GPC5: variants seen among roughly 807,000 people sequenced by gnomAD.
GPC5 encodes glypican 5.
A neutral mutation model predicts 53.9 loss-of-function variants in GPC5; 47 were observed. The ratio of observed to expected loss-of-function variants is 0.87; its 90% CI spans 0.69 to 1.11. The LOEUF (loss-of-function observed/expected upper bound fraction) is 1.11. GPC5 is among the 50% of genes most tolerant of loss of function. The probability of loss-of-function intolerance (pLI) is 0.00; values close to 1 mark genes in which losing one functional copy is unlikely to be tolerated. For missense variants in GPC5, 748 were observed against 713.1 expected (o/e 1.05, Z -0.56); for synonymous variants, 286 against 263.3 (o/e 1.09, Z -0.84).
intron 7 of GPC5, chr13:92,448,188 A>G (rs1242320257): frequency 1.3e-5 from 2 of 152,144 alleles, no homozygotes; most frequent in African/African-American, 4.8e-5. Context: ...TTAAGATTAA[A>G]AAAGTGAATA....
chr13:92,637,352 C>T (rs918734262), intron 7 of GPC5, among the ~76,000 whole-genome samples: 1 of 152,054 alleles, frequency 6.6e-6, no homozygotes, highest in Admixed American at 6.6e-5. Flanking sequence ...AGGGGATGTA[C>T]AGATTTATTG....
At chr13:91,715,770 G>GTCTCTCTCTCTC (rs55859912) in intron 3 of GPC5, among the ~76,000 whole-genome samples, 5 of 132,818 alleles carry the variant, frequency 3.8e-5, no homozygotes, top group African/African-American at 1.4e-4. Context: ...TTAAGATAGG[G>GTCTCTCTCTCTC]TCTCTCTCTC....
intron 7 of GPC5, among the ~76,000 whole-genome samples, chr13:92,624,283 T>G (rs1884977553): frequency 6.6e-6 from 1 of 152,104 alleles, no homozygotes; most frequent in South Asian, 2.1e-4. Flanking sequence ...TTGGCCAGGC[T>G]GGTCTCAAAC....
intron 7 of GPC5, among the ~76,000 whole-genome samples, chr13:92,254,231 T>C (rs1246842239): frequency 1.3e-5 from 2 of 152,138 alleles, no homozygotes; most frequent in Admixed American, 6.6e-5. Flanking sequence ...TGGGAACAAA[T>C]TGAGGTTTTC....
rs970139710 is a variant in GPC5 at position 92,517,655 on chromosome 13, A to G, written c.1562-348627A>G. ...GAAGGAAAACTAACAAACAGAAAGG[A>G]CATCCACACCAAAACCCCATCTGTA... On this transcript the variant is annotated intron_variant, in intron 7 of 7. Coordinates refer to ENST00000377067, the MANE Select transcript of GPC5 (RefSeq NM_004466.6). 2.0e-5 allele frequency among the ~76,000 whole-genome samples: 3 copies of G among 152,344 alleles called. No individual in the cohort carries two copies. In the East Asian group the frequency reaches 5.8e-4, roughly 29 times the overall value.
rs952654312 is a variant in GPC5, at chr13:92,806,366, G to A, written c.1562-59916G>A. Among the ~76,000 whole-genome samples, 10 of 151,978 alleles carry A rather than the reference G, an allele frequency of 6.6e-5. No individual in the cohort carries two copies. The East Asian group carries it at 7.8e-4, about 12-fold the overall frequency. The stretch of plus-strand genomic sequence containing the variant: ...ATAGCTTCTATCCAGACTACCCGAC[G>A]TTTTCTACCTCAGCAATAAGACAGT... On this transcript the variant is annotated intron_variant, in intron 7 of 7. Coordinates refer to ENST00000377067, the MANE Select transcript of GPC5 (RefSeq NM_004466.6).
chr13:92,113,240 A>G (rs1208453962), intron 6 of GPC5, among the ~76,000 whole-genome samples: 2 of 152,150 alleles, frequency 1.3e-5, no homozygotes, highest in African/African-American at 4.8e-5. Flanking sequence ...ATGTTTTGAC[A>G]TGAATACAAT....
intron 7 of GPC5, among the ~76,000 whole-genome samples, chr13:92,850,053 A>G (rs776125338): frequency 3.9e-5 from 6 of 152,236 alleles, no homozygotes; most frequent in Non-Finnish European, 5.9e-5. Flanking sequence ...TCAAAGTGAC[A>G]GATTGATCAG....
chr13:92,214,823 C>A (rs1179654638), intron 7 of GPC5, among the ~76,000 whole-genome samples: 3 of 152,154 alleles, frequency 2.0e-5, no homozygotes, highest in Non-Finnish European at 4.4e-5. Context: ...CATAAAGGTC[C>A]TTACAATGTG....
At chr13:91,603,571 A>T (rs2033250187) in intron 2 of GPC5, among the ~76,000 whole-genome samples, 1 of 152,196 alleles carries the variant, frequency 6.6e-6, no homozygotes, top group Non-Finnish European at 1.5e-5. Context: ...TGCAGGTGTT[A>T]TTGCTGAATT....
In GPC5 at chr13:92,722,706, T is replaced by C. The variant is rs149412203; in HGVS notation, c.1562-143576T>C. ...CCTTATTATAACAACATTATTGATG[T>C]GTTTTGAAAGAAAAAAGGAATAGAA... On this transcript the variant is annotated intron_variant, in intron 7 of 7. Coordinates refer to ENST00000377067, the MANE Select transcript of GPC5 (RefSeq NM_004466.6). Among the ~76,000 whole-genome samples the C allele has an allele frequency of 8.8e-3, 1,341 of 151,980 alleles. 20 individuals are homozygous for C. Among genetic ancestry groups the C allele is most frequent in the African/African-American group, 0.031 (1,273 of 41,534 alleles).
At chr13:92,758,319 CTG>C (rs1874995331) in intron 7 of GPC5, among the ~76,000 whole-genome samples, 2 of 130,186 alleles carry the variant, frequency 1.5e-5, no homozygotes, top group African/African-American at 5.9e-5. Context: ...ACATCACACT[CTG>C]GGGACTGTTG....
chr13:91,592,137 A>G (rs1259396214), intron 2 of GPC5, among the ~76,000 whole-genome samples: 1 of 152,208 alleles, frequency 6.6e-6, no homozygotes, highest in African/African-American at 2.4e-5. Context: ...TAGATGGCCA[A>G]GACTCTGTAT....
chr13:91,742,325 G>A (rs2140073401), intron 4 of GPC5, among the ~76,000 whole-genome samples: 1 of 152,232 alleles, frequency 6.6e-6, no homozygotes, highest in Non-Finnish European at 1.5e-5. Flanking sequence ...CCCAGAAAAA[G>A]AAAGTTCACA....
chr13:92,740,823 C>G (rs1354487443), intron 7 of GPC5, among the ~76,000 whole-genome samples: 1 of 149,950 alleles, frequency 6.7e-6, no homozygotes, highest in Non-Finnish European at 1.5e-5. Flanking sequence ...AGAAAAGAAG[C>G]AGGTAGAATA....
intron 7 of GPC5, among the ~76,000 whole-genome samples, chr13:92,407,604 C>T (rs1044915895): frequency 6.6e-6 from 1 of 152,088 alleles, no homozygotes; most frequent in African/African-American, 2.4e-5. Context: ...TATTCTTCAA[C>T]AAAATTGAAT....
intron 7 of GPC5, among the ~76,000 whole-genome samples, chr13:92,739,535 C>T (rs1889030158): frequency 6.6e-6 from 1 of 151,992 alleles, no homozygotes; most frequent in Non-Finnish European, 1.5e-5. Flanking sequence ...GTCCCACAAG[C>T]TCTGGTTTCT....
In GPC5 at chr13:92,405,153, C is replaced by T. The variant is rs774239989; in HGVS notation, c.1561+260164C>T. ...ATAATTATTTACCTGCTAATTCCAT[C>T]CAGTTCAGGGGCATGGGTGTCCCAG... On this transcript the variant is annotated intron_variant, in intron 7 of 7. Transcript: ENST00000377067. Among the ~76,000 whole-genome samples the T allele has an allele frequency of 1.1e-3, 149 of 131,552 alleles. 8 individuals carry two copies. Among genetic ancestry groups the T allele is most frequent in the Non-Finnish European group, 1.6e-3 (94 of 59,684 alleles). 86.3% of individuals were successfully genotyped at this position (131,552 alleles called of 152,430 possible).
chr13:92,629,504 T>A (rs1175278061), intron 7 of GPC5, among the ~76,000 whole-genome samples: 1 of 152,166 alleles, frequency 6.6e-6, no homozygotes, highest in African/African-American at 2.4e-5. Context: ...AATGGTGATT[T>A]AACTTGTACT....
Sources: allele counts gnomAD v4.1 joint callset (sites outside exome capture counted in the v4.1 genomes callset), GRCh38; gene constraint gnomAD v4.1.1; transcripts MANE v1.5; gene names NCBI Gene and HGNC (gene_info 2026-07-23, HGNC 2026-07-21).